The following CREB5 variants were observed in gnomAD, a reference collection of about 807,000 sequenced individuals.
CREB5 encodes the protein cyclic AMP-responsive element-binding protein 5.
CREB5 carries 19 observed loss-of-function variants against 57.1 expected under a neutral mutation model. The observed-to-expected ratio is 0.33, with a 90% CI of 0.23 to 0.49. The LOEUF is 0.49. Among genes scored for constraint, CREB5 ranks in the 20% least tolerant of loss-of-function variants. The pLI is 0.99. For synonymous variants in CREB5, 238 were observed against 238.3 expected, an observed-to-expected ratio of 1.00 and a Z score of 0.01; for missense variants, 579 against 671.6, an observed-to-expected ratio of 0.86 and a Z score of 1.52.
chr7:28,621,353 C>A (rs1422084351), intron 5 of CREB5, among the ~76,000 whole-genome samples: 5 of 152,090 alleles, frequency 3.3e-5, no homozygotes, highest in Non-Finnish European at 7.4e-5. Context: ...ATTTACAATA[C>A]CCCTTTTGCC....
chr7:28,497,432 T>TGTC (rs1254530617), intron 3 of CREB5, among the ~76,000 whole-genome samples: 51 of 152,356 alleles, frequency 3.3e-4, no homozygotes, highest in Non-Finnish European at 5.4e-4. Context: ...ATTCTAATTT[T>TGTC]TATTATGTCA....
chr7:28,372,955 C>G (rs1241348836), intron 1 of CREB5, among the ~76,000 whole-genome samples: 1 of 152,126 alleles, frequency 6.6e-6, no homozygotes, highest in Non-Finnish European at 1.5e-5. Context: ...TGTGGTGCGG[C>G]GGGGATGGTG....
At chr7:28,562,905 A>G (rs185544760) in intron 4 of CREB5, among the ~76,000 whole-genome samples, 2 of 152,344 alleles carry the variant, frequency 1.3e-5, no homozygotes, top group East Asian at 3.9e-4. Flanking sequence ...GTCACTTTCT[A>G]CAAAAAATAT....
rs142063113 is a variant in CREB5 at position 28,462,515 on chromosome 7, G to C, written c.4-25660G>C. On this transcript the variant is annotated intron_variant, in intron 1 of 10. Transcript: ENST00000357727. ...AACTACAAAACTGTTTTCTCAAGTG[G>C]CTGCCCCGTTTTACAAACCCACCAG... Among the ~76,000 whole-genome samples, 449 of 152,224 alleles carry C rather than the reference G, an allele frequency of 2.9e-3. 5 individuals are homozygous for C. Among genetic ancestry groups the C allele is most frequent in the African/African-American group, 0.011 (439 of 41,536 alleles).
rs186229924 is a variant in CREB5 at position 28,509,464 on chromosome 7, G to T, written c.291+1727G>T. ...TGTAACTGGTTCTGTTTCTCTTTTCGCTTTGACTGCCAGGTTAACACAAAG... is the reference window on the plus strand; with the variant it reads ...TGTAACTGGTTCTGTTTCTCTTTTCTCTTTGACTGCCAGGTTAACACAAAG... On this transcript the variant is annotated intron_variant, in intron 4 of 10. Transcript: ENST00000357727. Among the ~76,000 whole-genome samples the T allele has an allele frequency of 3.9e-5, 6 of 152,064 alleles. No individual in the cohort carries two copies. The East Asian group carries it at 1.2e-3, about 29-fold the overall frequency.
At chr7:28,591,918 G>A (rs1287054073) in intron 5 of CREB5, among the ~76,000 whole-genome samples, 2 of 152,124 alleles carry the variant, frequency 1.3e-5, no homozygotes, top group African/African-American at 2.4e-5. Flanking sequence ...AAGCCCTGAG[G>A]GGGTATTCTG....
intron 1 of CREB5, among the ~76,000 whole-genome samples, chr7:28,321,691 G>A (rs936501153): frequency 8.5e-5 from 13 of 152,224 alleles, no homozygotes; most frequent in Non-Finnish European, 7.3e-5. Flanking sequence ...AGGCAGGGAG[G>A]TGGTGAGTGG....
intron 5 of CREB5, among the ~76,000 whole-genome samples, chr7:28,643,757 G>GT (rs1798778576): frequency 7.3e-5 from 6 of 82,432 alleles, no homozygotes; most frequent in African/African-American, 1.0e-4. Context: ...GAGGTGGGGG[G>GT]GGGCGGAAGA....
chr7:28,575,901 G>A (rs1417558872), intron 5 of CREB5, among the ~76,000 whole-genome samples: 1 of 152,048 alleles, frequency 6.6e-6, no homozygotes, highest in African/African-American at 2.4e-5. Flanking sequence ...CACTCACGGG[G>A]TTTTATGTGT....
chr7:28,603,321 CA>C (rs1796993051), intron 5 of CREB5, among the ~76,000 whole-genome samples: 1 of 152,184 alleles, frequency 6.6e-6, no homozygotes, highest in African/African-American at 2.4e-5. Flanking sequence ...TCTAAAAAAA[CA>C]TGCAGAATCA....
intron 5 of CREB5, among the ~76,000 whole-genome samples, chr7:28,666,917 G>C (rs555319607): frequency 2.1e-4 from 31 of 149,890 alleles, no homozygotes; most frequent in Non-Finnish European, 4.3e-4. Context: ...CTGGACAAAA[G>C]AGAGAGACCC....
chr7:28,701,012 A>G (rs1269943596), intron 5 of CREB5, among the ~76,000 whole-genome samples: 4 of 151,912 alleles, frequency 2.6e-5, no homozygotes, highest in Non-Finnish European at 5.9e-5. Flanking sequence ...TAGACAGTCT[A>G]TATGTGGAGA....
intron 7 of CREB5, among the ~76,000 whole-genome samples, chr7:28,792,725 C>A (rs1807790558): frequency 6.6e-6 from 1 of 152,156 alleles, no homozygotes; most frequent in Admixed American, 6.5e-5. Context: ...GTGTGGCTTA[C>A]CTGAAATACT....
At chr7:28,574,135 T>C (rs1246011755) in intron 5 of CREB5, among the ~76,000 whole-genome samples, 2 of 152,138 alleles carry the variant, frequency 1.3e-5, no homozygotes, top group African/African-American at 2.4e-5. Context: ...GGCTGATTGA[T>C]GGTAGCGTTT....
At chr7:28,674,487 G>A (rs1390082147) in intron 5 of CREB5, among the ~76,000 whole-genome samples, 1 of 152,138 alleles carries the variant, frequency 6.6e-6, no homozygotes, top group Non-Finnish European at 1.5e-5. Flanking sequence ...AGAGTATCCT[G>A]CATGACTCAT....
chr7:28,492,142 G>C (rs1235789765), intron 2 of CREB5, among the ~76,000 whole-genome samples: 2 of 152,158 alleles, frequency 1.3e-5, no homozygotes, highest in Non-Finnish European at 2.9e-5. Flanking sequence ...TAGGATTACA[G>C]GCACTTGCCA....
In CREB5 at chr7:28,821,126, A is replaced by ATGTGTATG. The variant is rs1554304541; in HGVS notation, c.*1852_*1853insATGTGTGT. The ATGTGTATG allele has an allele frequency of 1.4e-5, 2 of 146,342 alleles. No homozygotes were observed. Among genetic ancestry groups the ATGTGTATG allele is most frequent in the African/African-American group, 5.1e-5 (2 of 39,358 alleles). 9.1% of individuals were successfully genotyped at this position (146,342 alleles called of 1,614,324 possible). The stretch of plus-strand genomic sequence containing the variant: ...CTCCATTTGAATGCTTGACCTCTTA[A>ATGTGTATG]TGTGTGTGTGTGTGTGTGTGTGTGT... On this transcript the variant is annotated 3_prime_UTR_variant, in exon 11 of 11. Coordinates refer to ENST00000357727, the MANE Select transcript of CREB5 (RefSeq NM_182898.4).
chr7:28,306,020 C>A (rs190956740), intron 1 of CREB5, among the ~76,000 whole-genome samples: 103 of 151,948 alleles, frequency 6.8e-4, no homozygotes, highest in African/African-American at 2.4e-3. Flanking sequence ...CTATTGATAG[C>A]AATGTAGGTT....
At chr7:28,407,947 G>A (rs1182791347), upstream of CREB5, among the ~76,000 whole-genome samples, 1 of 152,210 alleles carries the variant, frequency 6.6e-6, no homozygotes, top group Non-Finnish European at 1.5e-5. Context: ...TTACATAAAT[G>A]TCAGAAATGA....
Sources: allele counts gnomAD v4.1 joint callset (sites outside exome capture counted in the v4.1 genomes callset), GRCh38; gene constraint gnomAD v4.1.1; transcripts MANE v1.5; gene names NCBI Gene and HGNC (gene_info 2026-07-23, HGNC 2026-07-21).